The following CRB1 variants were observed in gnomAD, a reference collection of about 807,000 sequenced individuals.
CRB1 encodes crumbs cell polarity complex component 1.
A neutral mutation model predicts 120.0 loss-of-function variants in CRB1; 83 were observed. The ratio of observed to expected loss-of-function variants is 0.69; its 90% CI spans 0.58 to 0.83. CRB1 has a LOEUF of 0.83. Ranked by LOEUF, CRB1 falls within the 40% of genes least tolerant of loss-of-function variation. The pLI, the probability that CRB1 is intolerant of heterozygous loss-of-function variation, is 0.00. For missense variants in CRB1, 1,699 were observed against 1,687.6 expected (o/e 1.01, Z -0.12); for synonymous variants, 625 against 612.5 (o/e 1.02, Z -0.30).
Position 197,427,826 on chromosome 1 carries a change from G to A in CRB1, c.2501G>A (p.Gly834Asp), listed in dbSNP as rs1085307972. The change falls in exon 7 of 12, where the codon GGC becomes GAC. Residue 834 changes from glycine to aspartate, a missense_variant. Gly to Asp is a moderately conservative substitution (Grantham distance 94, BLOSUM62 -1). Transcript: ENST00000367400. ...AAGGGAGATGTCATCTACATTGGTGGCCTACCTGACAAGCAAGAGACTGAA... is the reference window on the plus strand; with the variant it reads ...AAGGGAGATGTCATCTACATTGGTGACCTACCTGACAAGCAAGAGACTGAA... ...IEKGDVIYIG[G>D]LPDKQETELN... The A allele has an allele frequency of 2.5e-6, 4 of 1,613,974 alleles. No individual in the cohort carries two copies. The highest frequency in any genetic ancestry group is 3.3e-5 in the Admixed American group (2 of 59,984).
chr1:197,416,034 C>A (rs2125459085), intron 5 of CRB1, among the ~76,000 whole-genome samples: 1 of 152,250 alleles, frequency 6.6e-6, no homozygotes, highest in Middle Eastern at 3.4e-3. Context: ...GAAGAGATAC[C>A]CTTCTCCAGA....
At chr1:197,450,359 G>C (rs908039271) in intron 11 of CRB1, among the ~76,000 whole-genome samples, 1 of 152,052 alleles carries the variant, frequency 6.6e-6, no homozygotes, top group African/African-American at 2.4e-5. Context: ...TACATTCCGG[G>C]GAAAACATTG....
At chr1:197,215,069 A>G in the CRB1 span, among the ~76,000 whole-genome samples, 1 of 152,178 alleles carries the variant, frequency 6.6e-6, no homozygotes, top group Non-Finnish European at 1.5e-5. Context: ...GAAGGAAAAA[A>G]CATGATCATT....
chr1:197,359,611 C>A (rs1454828596), intron 5 of CRB1, among the ~76,000 whole-genome samples: 4 of 152,180 alleles, frequency 2.6e-5, no homozygotes, highest in Non-Finnish European at 4.4e-5. Flanking sequence ...AAGGTAAATG[C>A]CCAGGAGTAA....
chr1:197,210,951 T>C, the CRB1 span, among the ~76,000 whole-genome samples: 1 of 152,200 alleles, frequency 6.6e-6, no homozygotes, highest in East Asian at 1.9e-4. Flanking sequence ...TTTTTCTTCA[T>C]TTATTCAATA....
intron 1 of CRB1, among the ~76,000 whole-genome samples, chr1:197,277,681 TTA>T (rs1204136854): frequency 6.6e-6 from 1 of 152,006 alleles, no homozygotes; most frequent in Non-Finnish European, 1.5e-5. Context: ...GAATAAATAT[TTA>T]TATTCAGCAT....
the CRB1 span, among the ~76,000 whole-genome samples, chr1:197,206,847 A>G: frequency 6.6e-6 from 1 of 152,232 alleles, no homozygotes. Flanking sequence ...GAAGTCCCCC[A>G]ATATTACTGT....
chr1:197,379,368 C>G (rs912683758), intron 5 of CRB1, among the ~76,000 whole-genome samples: 2 of 151,796 alleles, frequency 1.3e-5, no homozygotes, highest in African/African-American at 4.8e-5. Context: ...GCCACGATCT[C>G]AGCTCACTGC....
At chr1:197,283,211 A>C (rs905696993) in intron 1 of CRB1, among the ~76,000 whole-genome samples, 4 of 151,826 alleles carry the variant, frequency 2.6e-5, no homozygotes, top group Non-Finnish European at 5.9e-5. Flanking sequence ...AACAAAGAAA[A>C]ATTCTGGAGG....
intron 11 of CRB1, among the ~76,000 whole-genome samples, chr1:197,459,949 G>C (rs2125545724): frequency 7.0e-6 from 1 of 141,898 alleles, no homozygotes; most frequent in African/African-American, 2.5e-5. Flanking sequence ...CTGCTAATTA[G>C]AAGTTTTCAC....
chr1:197,271,058 G>A (rs1457121548), intron 1 of CRB1, among the ~76,000 whole-genome samples: 5 of 151,932 alleles, frequency 3.3e-5, no homozygotes, highest in African/African-American at 1.2e-4. Context: ...AATTAATGGG[G>A]CATCGTGGTA....
chr1:197,428,997 A>G, intron 7 of CRB1: 1 of 1,529,480 alleles, frequency 6.5e-7, no homozygotes, highest in African/African-American at 1.4e-5. Context: ...TGGGAAGGGC[A>G]CTCACTGAGT....
chr1:197,223,990 G>A, the CRB1 span, among the ~76,000 whole-genome samples: 1 of 152,098 alleles, frequency 6.6e-6, no homozygotes, highest in African/African-American at 2.4e-5. Flanking sequence ...CCTGTGTAAG[G>A]TACTATGGTT....
At chr1:197,251,146 A>G in the CRB1 span, among the ~76,000 whole-genome samples, 1 of 152,024 alleles carries the variant, frequency 6.6e-6, no homozygotes, top group Non-Finnish European at 1.5e-5. Context: ...CTGATTTCCA[A>G]TCACAGGTCT....
At chr1:197,284,780 CAAAT>C (rs1012428293) in intron 1 of CRB1, among the ~76,000 whole-genome samples, 19 of 151,534 alleles carry the variant, frequency 1.3e-4, no homozygotes, top group African/African-American at 4.4e-4. Flanking sequence ...TCAAAATTGA[CAAAT>C]AAAGTGCATA....
chr1:197,374,627 C>T (rs964228252), intron 5 of CRB1, among the ~76,000 whole-genome samples: 3 of 152,072 alleles, frequency 2.0e-5, no homozygotes, highest in Non-Finnish European at 4.4e-5. Flanking sequence ...GAGAGCAGCT[C>T]GACACTAGTA....
the CRB1 span, among the ~76,000 whole-genome samples, chr1:197,240,868 C>T: frequency 6.6e-6 from 1 of 150,966 alleles, no homozygotes; most frequent in Admixed American, 6.6e-5. Flanking sequence ...ACATCCTCTC[C>T]AGTGACTTTT....
At chr1:197,472,404 C>T (rs1162547847) in intron 11 of CRB1, among the ~76,000 whole-genome samples, 1 of 152,170 alleles carries the variant, frequency 6.6e-6, no homozygotes, top group African/African-American at 2.4e-5. Context: ...GAAAGGACCT[C>T]TGGGGGCTGA....
At chr1:197,244,888 T>A in the CRB1 span, among the ~76,000 whole-genome samples, 1 of 152,046 alleles carries the variant, frequency 6.6e-6, no homozygotes, top group Non-Finnish European at 1.5e-5. Flanking sequence ...GTTGTTCAGA[T>A]TGGACAATTT....
Sources: allele counts gnomAD v4.1 joint callset (sites outside exome capture counted in the v4.1 genomes callset), GRCh38; gene constraint gnomAD v4.1.1; transcripts MANE v1.5; gene names NCBI Gene and HGNC (gene_info 2026-07-23, HGNC 2026-07-21).